The following NOSTRIN variants were observed in gnomAD, a reference collection of about 807,000 sequenced individuals.
The protein encoded by NOSTRIN is BM247 homolog.
In NOSTRIN, 63 loss-of-function variants were observed where a neutral mutation model predicts 59.0. The observed-to-expected ratio is 1.07, with a 90% CI of 0.87 to 1.32. The LOEUF is 1.32. NOSTRIN is among the 40% of genes most tolerant of loss of function. The pLI, the probability that NOSTRIN is intolerant of heterozygous loss-of-function variation, is 0.00. For synonymous variants in NOSTRIN, 200 were observed against 165.4 expected, an observed-to-expected ratio of 1.21 and a Z score of -1.61; for missense variants, 512 against 473.1, an observed-to-expected ratio of 1.08 and a Z score of -0.76.
intron 7 of NOSTRIN, among the ~76,000 whole-genome samples, chr2:168,838,117 A>C (rs1687850354): frequency 6.6e-6 from 1 of 152,178 alleles, no homozygotes; most frequent in African/African-American, 2.4e-5. Context: ...GCAATACCCA[A>C]ATTTATATCT....
intron 7 of NOSTRIN, among the ~76,000 whole-genome samples, chr2:168,841,773 G>A (rs890020106): frequency 6.6e-6 from 1 of 152,220 alleles, no homozygotes; most frequent in Non-Finnish European, 1.5e-5. Context: ...GCATACAAAT[G>A]TATTTGATCA....
At chr2:168,847,049 G>A (rs1688471465) in intron 8 of NOSTRIN, among the ~76,000 whole-genome samples, 1 of 152,190 alleles carries the variant, frequency 6.6e-6, no homozygotes, top group Non-Finnish European at 1.5e-5. Context: ...CATCCCAAAT[G>A]TCCAACATTA....
At chr2:168,839,240 C>T (rs1687918601) in intron 7 of NOSTRIN, among the ~76,000 whole-genome samples, 1 of 152,152 alleles carries the variant, frequency 6.6e-6, no homozygotes, top group Non-Finnish European at 1.5e-5. Flanking sequence ...TTTGCCTCAC[C>T]AACTCCTACT....
intron 1 of NOSTRIN, among the ~76,000 whole-genome samples, chr2:168,809,177 C>T (rs984399217): frequency 2.6e-5 from 4 of 152,154 alleles, no homozygotes; most frequent in South Asian, 2.1e-4. Flanking sequence ...GTTGAGGGCT[C>T]GTGTGGTGTT....
At chr2:168,839,911 A>G (rs1377369787) in intron 7 of NOSTRIN, among the ~76,000 whole-genome samples, 1 of 46,058 alleles carries the variant, frequency 2.2e-5, no homozygotes, top group Non-Finnish European at 3.7e-5. Flanking sequence ...ATATATATAT[A>G]TATATATATA....
intron 7 of NOSTRIN, among the ~76,000 whole-genome samples, chr2:168,840,355 C>T (rs999024609): frequency 2.0e-5 from 3 of 151,720 alleles, no homozygotes; most frequent in African/African-American, 4.8e-5. Flanking sequence ...ATGGTGAAAC[C>T]CCGTCTCTAC....
At chr2:168,842,722 G>T (rs1265238387) in intron 7 of NOSTRIN, among the ~76,000 whole-genome samples, 1 of 152,180 alleles carries the variant, frequency 6.6e-6, no homozygotes, top group Non-Finnish European at 1.5e-5. Flanking sequence ...CTGTGTGAGT[G>T]TAGACAAATC....
intron 12 of NOSTRIN, chr2:168,859,216 G>A: frequency 4.0e-6 from 1 of 247,248 alleles, no homozygotes; most frequent in Non-Finnish European, 7.7e-6. Flanking sequence ...TTGTCCCTCA[G>A]CAGAAAATTG....
chr2:168,823,878 AC>A (rs1686905873), intron 2 of NOSTRIN, among the ~76,000 whole-genome samples: 1 of 152,176 alleles, frequency 6.6e-6, no homozygotes, highest in Non-Finnish European at 1.5e-5. Flanking sequence ...GGCGTTTGAG[AC>A]CAGCTGAACA....
At chr2:168,842,762 A>C (rs1340537137) in intron 7 of NOSTRIN, among the ~76,000 whole-genome samples, 2 of 152,150 alleles carry the variant, frequency 1.3e-5, no homozygotes, top group Admixed American at 6.5e-5. Context: ...CAATCTCCTC[A>C]TGTGTAAAAT....
At chr2:168,836,915 G>C (rs926097213) in intron 7 of NOSTRIN, among the ~76,000 whole-genome samples, 6 of 152,118 alleles carry the variant, frequency 3.9e-5, no homozygotes, top group Non-Finnish European at 5.9e-5. Flanking sequence ...AGTCTGTTCA[G>C]GCTGCTATAA....
chr2:168,787,799 T>C (rs1685244192), intron 1 of NOSTRIN: 1 of 152,182 alleles, frequency 6.6e-6, no homozygotes, highest in South Asian at 2.1e-4. Flanking sequence ...CTAACAAAAA[T>C]TGGAAGTAGA....
chr2:168,837,300 CTTTTTTTT>C (rs761309524), intron 7 of NOSTRIN, among the ~76,000 whole-genome samples: 10 of 62,160 alleles, frequency 1.6e-4, no homozygotes, highest in African/African-American at 5.3e-4. Context: ...TTTTTAACAT[CTTTTTTTT>C]TTTTTTTTTT....
chr2:168,845,790 CTTTTT>C (rs3216710), intron 8 of NOSTRIN, among the ~76,000 whole-genome samples: 9 of 140,630 alleles, frequency 6.4e-5, no homozygotes, highest in Non-Finnish European at 1.1e-4. Flanking sequence ...TTTTTTCTTC[CTTTTT>C]TTTTTTTTTT....
At chr2:168,849,992 T>G (rs947035645) in intron 8 of NOSTRIN, among the ~76,000 whole-genome samples, 16 of 151,098 alleles carry the variant, frequency 1.1e-4, no homozygotes, top group African/African-American at 3.4e-4. Context: ...CTCGGCTCAC[T>G]GCAAACTTCA....
intron 2 of NOSTRIN, among the ~76,000 whole-genome samples, chr2:168,819,794 C>T (rs772479989): frequency 7.9e-5 from 12 of 152,164 alleles, no homozygotes; most frequent in Non-Finnish European, 1.5e-4. Context: ...AGGGTACAAT[C>T]GTGCTGTTCA....
At chr2:168,862,290 C>G (rs1689510063) in intron 15 of NOSTRIN, among the ~76,000 whole-genome samples, 1 of 152,104 alleles carries the variant, frequency 6.6e-6, no homozygotes. Flanking sequence ...TTCATGAAAC[C>G]CTTGGAGGGT....
chr2:168,840,887 A>C (rs1688056570), intron 7 of NOSTRIN, among the ~76,000 whole-genome samples: 1 of 152,204 alleles, frequency 6.6e-6, no homozygotes, highest in Admixed American at 6.5e-5. Flanking sequence ...GTATGAAATA[A>C]GTATTGCTAC....
At chr2:168,849,357 CTTCTT>C (rs896261749) in intron 8 of NOSTRIN, among the ~76,000 whole-genome samples, 2 of 151,578 alleles carry the variant, frequency 1.3e-5, no homozygotes, top group Non-Finnish European at 2.9e-5. Context: ...CTTTCTCTTT[CTTCTT>C]TTCTTTTTTT....
Sources: gnomAD v4.1 joint callset for allele counts (sites outside exome capture counted in the v4.1 genomes callset) on GRCh38, gnomAD v4.1.1 for gene constraint, MANE v1.5 for transcripts, NCBI Gene and HGNC (gene_info 2026-07-23, HGNC 2026-07-21) for gene names.